Variants in TENT4B observed in about 807,000 individuals in gnomAD.
TENT4B encodes the protein terminal nucleotidyltransferase 4B.
In TENT4B, 10 loss-of-function variants were observed where a neutral mutation model predicts 75.0. The observed-to-expected ratio is 0.13, with a 90% CI of 0.08 to 0.23. The LOEUF (loss-of-function observed/expected upper bound fraction) is 0.23. Among genes scored for constraint, TENT4B ranks in the 10% least tolerant of loss-of-function variants. The pLI is 1.00. For synonymous variants in TENT4B, 350 were observed against 357.7 expected (o/e 0.98, Z 0.24); for missense variants, 579 against 893.8 (o/e 0.65, Z 4.49).
Position 50,229,423 on chromosome 16 carries a change from C to T in TENT4B, c.*95C>T. Reference sequence around the variant, plus strand: ...CTGGGAGATATTCAGGAGCCTCACACTGTTCAGACGTTGACTTAGCAACTG... The same window carrying T: ...CTGGGAGATATTCAGGAGCCTCACATTGTTCAGACGTTGACTTAGCAACTG... On this transcript the variant is annotated 3_prime_UTR_variant, in exon 12 of 12. Transcript: ENST00000561678. 6.8e-7 allele frequency: 1 copy of T among 1,472,182 alleles called. No homozygotes were observed. The allele number at this position is 1,472,182 out of a possible 1,614,324, so 91.2% of individuals were successfully genotyped here. A position where few individuals can be genotyped will look rare whatever the true frequency, so the allele number is the denominator to read the frequency against.
At chr16:50,211,496 G>A (rs1476313633) in intron 2 of TENT4B, 50 bp downstream of exon 2, 13 of 1,486,358 alleles carry the variant, frequency 8.7e-6, no homozygotes, top group Non-Finnish European at 1.1e-5. Flanking sequence ...TTGTCCACGG[G>A]CTAGAAGCCT....
chr16:50,196,080 G>A (rs550040503), intron 1 of TENT4B, among the ~76,000 whole-genome samples: 51 of 152,270 alleles, frequency 3.3e-4, no homozygotes, highest in African/African-American at 1.2e-3. Context: ...AGACAGCAAA[G>A]TTTAAGAGAA....
In TENT4B at chr16:50,233,725, C is replaced by T; in HGVS notation, c.*4397C>T. 1 of 985,058 alleles carries T rather than the reference C, an allele frequency of 1.0e-6. No homozygotes were observed. Among genetic ancestry groups the T allele is most frequent in the Non-Finnish European group, 1.2e-6 (1 of 829,810 alleles). The allele number at this position is 985,058 out of a possible 1,614,324, so 61.0% of individuals were successfully genotyped here. A position where few individuals can be genotyped will look rare whatever the true frequency, so the allele number is the denominator to read the frequency against. On this transcript the variant is annotated 3_prime_UTR_variant, in exon 12 of 12. Coordinates refer to ENST00000561678, the MANE Select transcript of TENT4B (RefSeq NM_001365324.3). Reference sequence around the variant, plus strand: ...ATGTGTTTGGCCTTTACATTTTCTACTTAAGTGTGTACTTTATTGAGTTTA... The same window carrying T: ...ATGTGTTTGGCCTTTACATTTTCTATTTAAGTGTGTACTTTATTGAGTTTA...
chr16:50,228,831 C>T (rs2032170907), intron 11 of TENT4B, among the ~76,000 whole-genome samples: 1 of 152,184 alleles, frequency 6.6e-6, no homozygotes, highest in South Asian at 2.1e-4. Context: ...TGCCCAAGAG[C>T]CTCTTCCCGC....
intron 1 of TENT4B, among the ~76,000 whole-genome samples, chr16:50,176,161 A>G (rs939344382): frequency 2.7e-5 from 4 of 150,790 alleles, no homozygotes; most frequent in Non-Finnish European, 5.9e-5. Context: ...ATCACAGCTC[A>G]CTGCAACCTC....
rs149009019 is a variant in TENT4B, at chr16:50,209,355, A to G, written c.639-1968A>G. Among the ~76,000 whole-genome samples the G allele has an allele frequency of 1.9e-3, 289 of 152,330 alleles. 1 individual carries two copies. Among genetic ancestry groups the G allele is most frequent in the African/African-American group, 6.2e-3 (256 of 41,578 alleles). Reference sequence around the variant, plus strand: ...CACAGCAAAGCATAAGCTTCCTAACAGCTATTCCCATTCAGCTGCTGTCTT... The same window carrying G: ...CACAGCAAAGCATAAGCTTCCTAACGGCTATTCCCATTCAGCTGCTGTCTT... On this transcript the variant is annotated intron_variant, in intron 1 of 11. Transcript: ENST00000561678.
At chr16:50,212,982 A>G (rs1473741645) in intron 2 of TENT4B, among the ~76,000 whole-genome samples, 1 of 152,056 alleles carries the variant, frequency 6.6e-6, no homozygotes, top group African/African-American at 2.4e-5. Context: ...TCATCTGTCT[A>G]CCTACAGATG....
At chr16:50,223,665 T>C (rs2031924877) in intron 7 of TENT4B, among the ~76,000 whole-genome samples, 1 of 152,206 alleles carries the variant, frequency 6.6e-6, no homozygotes, top group South Asian at 2.1e-4. Flanking sequence ...TCATGTTTGG[T>C]GGCTGTTTCT....
chr16:50,222,225 A>G (rs1176673286), intron 5 of TENT4B, 81 bp from the exon 6 acceptor site: 2 of 1,309,692 alleles, frequency 1.5e-6, no homozygotes, highest in Non-Finnish European at 2.1e-6. Flanking sequence ...TTTATAATGT[A>G]AGGACCAATT....
Position 50,234,607 on chromosome 16 carries a change from T to A in TENT4B, c.*5279T>A. The A allele has an allele frequency of 1.0e-6, 1 of 984,700 alleles. No individual in the cohort carries two copies. Among genetic ancestry groups the A allele is most frequent in the Non-Finnish European group, 1.2e-6 (1 of 829,238 alleles). 61.0% of individuals were successfully genotyped at this position (984,700 alleles called of 1,614,324 possible). A position where few individuals can be genotyped will look rare whatever the true frequency, so the allele number is the denominator to read the frequency against. ...TCCTAATTTTAAGATCCTCTCTGATTTTTGCATATTGAAACTTACAGAAGT... is the reference window on the plus strand; with the variant it reads ...TCCTAATTTTAAGATCCTCTCTGATATTTGCATATTGAAACTTACAGAAGT... On this transcript the variant is annotated 3_prime_UTR_variant, in exon 12 of 12. Transcript: ENST00000561678.
chr16:50,203,424 G>A (rs2030769184), intron 1 of TENT4B, among the ~76,000 whole-genome samples: 1 of 152,212 alleles, frequency 6.6e-6, no homozygotes, highest in Admixed American at 6.5e-5. Flanking sequence ...CAGTACTGTA[G>A]AAGGTAGGCA....
chr16:50,174,577 T>C (rs1231048546), intron 1 of TENT4B, among the ~76,000 whole-genome samples: 1 of 152,180 alleles, frequency 6.6e-6, no homozygotes, highest in African/African-American at 2.4e-5. Context: ...TTTCTTTATG[T>C]TGGGAACATT....
Position 50,232,692 on chromosome 16 carries a change from A to G in TENT4B, c.*3364A>G, listed in dbSNP as rs145173543. The G allele has an allele frequency of 5.5e-5, 54 of 985,274 alleles. 1 individual carries two copies. In the East Asian group the frequency reaches 2.7e-3, roughly 50 times the overall value. The allele number at this position is 985,274 out of a possible 1,614,324, so 61.0% of individuals were successfully genotyped here. On this transcript the variant is annotated 3_prime_UTR_variant, in exon 12 of 12. Coordinates refer to ENST00000561678, the MANE Select transcript of TENT4B (RefSeq NM_001365324.3). ...CATTGCAAAGCCCTCTCCAGTGACT[A>G]GGAGGTGTAGTTATTAAGGTTGATC...
At chr16:50,188,611 G>A (rs1488759987) in intron 1 of TENT4B, among the ~76,000 whole-genome samples, 1 of 152,216 alleles carries the variant, frequency 6.6e-6, no homozygotes, top group African/African-American at 2.4e-5. Flanking sequence ...AGAAGTGTTA[G>A]CAGACCCAGT....
chr16:50,158,151 A>C (rs972936220), intron 1 of TENT4B, among the ~76,000 whole-genome samples: 1 of 151,858 alleles, frequency 6.6e-6, no homozygotes, highest in Admixed American at 6.6e-5. Flanking sequence ...TGGTGGCACA[A>C]TCTTGGCCCA....
chr16:50,169,797 A>G (rs1458597722), intron 1 of TENT4B, among the ~76,000 whole-genome samples: 1 of 152,166 alleles, frequency 6.6e-6, no homozygotes, highest in African/African-American at 2.4e-5. Flanking sequence ...CATGAAGGGA[A>G]GTTAATCCTC....
chr16:50,178,439 G>GT (rs1465462877), intron 1 of TENT4B, among the ~76,000 whole-genome samples: 1 of 151,012 alleles, frequency 6.6e-6, no homozygotes, highest in Non-Finnish European at 1.5e-5. Flanking sequence ...GTGAAATTTT[G>GT]TTCTCTCTTG....
At chr16:50,190,205 T>C (rs2038614791) in intron 1 of TENT4B, among the ~76,000 whole-genome samples, 1 of 152,052 alleles carries the variant, frequency 6.6e-6, no homozygotes, top group South Asian at 2.1e-4. Context: ...AGTATAATAC[T>C]TAGTTCTTCA....
intron 10 of TENT4B, among the ~76,000 whole-genome samples, chr16:50,226,120 C>T (rs1253975030): frequency 2.0e-5 from 3 of 152,024 alleles, no homozygotes; most frequent in African/African-American, 7.2e-5. Flanking sequence ...CTGCCTCAGC[C>T]TCCTGAGTAT....
Sources: allele counts gnomAD v4.1 joint callset (sites outside exome capture counted in the v4.1 genomes callset), GRCh38; gene constraint gnomAD v4.1.1; transcripts MANE v1.5; gene names NCBI Gene and HGNC (gene_info 2026-07-23, HGNC 2026-07-21).